Variants in ANXA2 observed in about 807,000 individuals in gnomAD.
ANXA2 encodes annexin A2.
A neutral mutation model predicts 47.3 loss-of-function variants in ANXA2; 28 were observed. That is an observed-to-expected ratio of 0.59 (90% CI 0.44 to 0.81). The LOEUF (loss-of-function observed/expected upper bound fraction) is 0.81, where lower values mean the gene tolerates loss of function less well. ANXA2 is among the 40% of genes least tolerant of loss of function. The pLI is 0.00. For synonymous variants in ANXA2, 172 were observed against 155.5 expected (o/e 1.11, Z -0.79); for missense variants, 384 against 414.3 (o/e 0.93, Z 0.64).
At chr15:60,396,898 C>T (rs2063087703) in intron 1 of ANXA2, among the ~76,000 whole-genome samples, 1 of 152,244 alleles carries the variant, frequency 6.6e-6, no homozygotes, top group Non-Finnish European at 1.5e-5. Flanking sequence ...AAACGGCAAT[C>T]TTACTACAAA....
At chr15:60,367,115 A>G (rs1277101412) in intron 3 of ANXA2, among the ~76,000 whole-genome samples, 1 of 41,218 alleles carries the variant, frequency 2.4e-5, no homozygotes, top group Non-Finnish European at 4.5e-5. Context: ...TCCGGGAGGG[A>G]GGTGGGGGGG....
chr15:60,374,933 GCT>G (rs2062757490), intron 3 of ANXA2, among the ~76,000 whole-genome samples: 1 of 152,244 alleles, frequency 6.6e-6, no homozygotes. Flanking sequence ...ACTCAGACCT[GCT>G]CTTGTTGGTT....
At chr15:60,349,425 G>A (rs1277108124) in intron 11 of ANXA2, among the ~76,000 whole-genome samples, 2 of 152,132 alleles carry the variant, frequency 1.3e-5, no homozygotes, top group Non-Finnish European at 2.9e-5. Context: ...ATTACCTTTA[G>A]GCTATGTGTG....
chr15:60,354,186 T>C lies in ANXA2; in HGVS notation c.556A>G (p.Ile186Val). ...TCTTGGTCAATCAGTTCATAATCAA[T>C]GACAGAGCCATCCTCTGCTCTTCTA... ...KGRRAEDGSV[I>V]DYELIDQDAR... The change falls in exon 8 of 13, where the codon ATT (isoleucine) becomes GTT (valine). Residue 186 changes from isoleucine to valine, a missense_variant. By Grantham distance (29) the Ile-to-Val change is conservative (BLOSUM62 3). Transcript: ENST00000451270. 1.9e-6 allele frequency: 3 copies of C among 1,613,900 alleles called. No homozygotes were observed. The highest frequency in any genetic ancestry group is 1.7e-6 in the Non-Finnish European group (2 of 1,179,862).
At chr15:60,360,148 C>A (rs573338944) in intron 5 of ANXA2, among the ~76,000 whole-genome samples, 178 of 152,226 alleles carry the variant, frequency 1.2e-3, no homozygotes, top group Middle Eastern at 3.4e-3. Context: ...CCCAGCTACT[C>A]GGGATGCTGA....
At chr15:60,382,720 G>C in intron 2 of ANXA2, 1 of 252,048 alleles carries the variant, frequency 4.0e-6, no homozygotes, top group Non-Finnish European at 7.9e-6. Flanking sequence ...ACAATGCAAA[G>C]CTGGAGACCT....
intron 3 of ANXA2, among the ~76,000 whole-genome samples, chr15:60,366,550 T>G (rs921443421): frequency 1.8e-4 from 27 of 146,266 alleles, no homozygotes; most frequent in African/African-American, 6.4e-4. Context: ...GTCTGAGAAG[T>G]GAGGAAACCC....
chr15:60,362,075 T>A (rs1595674362), intron 4 of ANXA2, among the ~76,000 whole-genome samples: 1 of 152,282 alleles, frequency 6.6e-6, no homozygotes, highest in East Asian at 1.9e-4. Flanking sequence ...GTGTTAGAAC[T>A]GACATGGATC....
chr15:60,385,355 C>A (rs1400290635), intron 2 of ANXA2, among the ~76,000 whole-genome samples: 1 of 152,134 alleles, frequency 6.6e-6, no homozygotes, highest in African/African-American at 2.4e-5. Context: ...ATCACGAAGT[C>A]AAGAGATCAA....
At chr15:60,396,409 A>G (rs2063081664) in intron 1 of ANXA2, 2 of 152,200 alleles carry the variant, frequency 1.3e-5, no homozygotes, top group Non-Finnish European at 2.9e-5. Flanking sequence ...TGCGTCACGG[A>G]AGAGCCAGAA....
At chr15:60,375,310 A>C (rs959167624) in intron 3 of ANXA2, among the ~76,000 whole-genome samples, 2 of 152,178 alleles carry the variant, frequency 1.3e-5, no homozygotes, top group African/African-American at 4.8e-5. Context: ...TGGCAATAAT[A>C]ATAGGGTAAT....
intron 1 of ANXA2, among the ~76,000 whole-genome samples, chr15:60,387,687 C>G (rs73418036): frequency 1.3e-5 from 2 of 152,172 alleles, no homozygotes; most frequent in African/African-American, 2.4e-5. Context: ...GTGGATGCAT[C>G]TATGTACAAC....
At chr15:60,391,761 A>G (rs1195869881) in intron 1 of ANXA2, among the ~76,000 whole-genome samples, 1 of 152,176 alleles carries the variant, frequency 6.6e-6, no homozygotes, top group Non-Finnish European at 1.5e-5. Flanking sequence ...TATAAAACTC[A>G]TAAATCCATT....
chr15:60,376,429 G>C (rs1595693864), intron 3 of ANXA2, among the ~76,000 whole-genome samples: 1 of 152,042 alleles, frequency 6.6e-6, no homozygotes, highest in East Asian at 1.9e-4. Context: ...ACAGCTCACA[G>C]GAGAGGGGTG....
chr15:60,362,932 G>A (rs2062537339), intron 4 of ANXA2: 1 of 146,500 alleles, frequency 6.8e-6, no homozygotes, highest in South Asian at 2.1e-4. Context: ...CAGTTTGGGA[G>A]GCTGAGATGA....
intron 1 of ANXA2, among the ~76,000 whole-genome samples, chr15:60,391,959 GC>G (rs1255875862): frequency 1.3e-5 from 2 of 151,722 alleles, no homozygotes; most frequent in Non-Finnish European, 2.9e-5. Context: ...ACACATCAGT[GC>G]CGTGCCTTCC....
At chr15:60,359,936 T>C (rs2062488110) in intron 5 of ANXA2, among the ~76,000 whole-genome samples, 1 of 152,216 alleles carries the variant, frequency 6.6e-6, no homozygotes, top group Non-Finnish European at 1.5e-5. Flanking sequence ...CATACATTAA[T>C]GTGTGTGCAT....
At chr15:60,381,258 GA>G (rs1566945940) in intron 3 of ANXA2, among the ~76,000 whole-genome samples, 2 of 152,300 alleles carry the variant, frequency 1.3e-5, no homozygotes, top group South Asian at 4.1e-4. Context: ...ACATAGAAGA[GA>G]AAAATGTGAC....
intron 1 of ANXA2, chr15:60,390,250 G>A: frequency 9.7e-7 from 1 of 1,028,052 alleles, no homozygotes; most frequent in Non-Finnish European, 1.2e-6. Context: ...ATTATCCCAT[G>A]CAGGTGCCTT....
Sources: allele counts gnomAD v4.1 joint callset (sites outside exome capture counted in the v4.1 genomes callset), GRCh38; gene constraint gnomAD v4.1.1; transcripts MANE v1.5; gene names NCBI Gene and HGNC (gene_info 2026-07-23, HGNC 2026-07-21).